LRP1B: variants seen among roughly 807,000 people sequenced by gnomAD.
LRP1B encodes the protein low-density lipoprotein receptor-related protein 1B.
In LRP1B, 217 loss-of-function variants were observed where a neutral mutation model predicts 556.6. The ratio of observed to expected loss-of-function variants is 0.39; its 90% confidence interval spans 0.35 to 0.44. The LOEUF is 0.44. Among genes scored for constraint, LRP1B ranks in the 20% least tolerant of loss-of-function variants. The pLI is 1.00. For synonymous variants in LRP1B, 2,047 were observed against 1,865.8 expected (o/e 1.10, Z -2.50); for missense variants, 5,053 against 5,620.8 (o/e 0.90, Z 3.23).
intron 3 of LRP1B, among the ~76,000 whole-genome samples, chr2:141,274,571 C>T (rs1233700676): frequency 2.0e-5 from 3 of 152,066 alleles, no homozygotes; most frequent in Non-Finnish European, 4.4e-5. Flanking sequence ...TGAGGAGTGA[C>T]TGCTAATGGA....
chr2:141,127,804 AC>A (rs1205854767), intron 7 of LRP1B, among the ~76,000 whole-genome samples: 1 of 152,094 alleles, frequency 6.6e-6, no homozygotes, highest in African/African-American at 2.4e-5. Context: ...GTCTCATTTT[AC>A]TTTTATGATC....
At chr2:141,112,677 G>A (rs1413634904) in intron 7 of LRP1B, among the ~76,000 whole-genome samples, 2 of 152,144 alleles carry the variant, frequency 1.3e-5, no homozygotes, top group Non-Finnish European at 2.9e-5. Flanking sequence ...AAAATAAAAT[G>A]TTGTGACCAG....
chr2:141,723,360 AAT>A (rs1438687144), intron 2 of LRP1B, among the ~76,000 whole-genome samples: 1 of 150,074 alleles, frequency 6.7e-6, no homozygotes, highest in East Asian at 1.9e-4. Flanking sequence ...AATATAATTT[AAT>A]ATATATTAAT....
intron 7 of LRP1B, among the ~76,000 whole-genome samples, chr2:141,091,045 T>G (rs546575535): frequency 1.9e-3 from 294 of 152,346 alleles, no homozygotes; most frequent in South Asian, 8.1e-3. Flanking sequence ...AGTAGTTAAC[T>G]AGAGTTGCTG....
intron 2 of LRP1B, among the ~76,000 whole-genome samples, chr2:141,704,335 T>C (rs1692061095): frequency 6.6e-6 from 1 of 151,986 alleles, no homozygotes; most frequent in Admixed American, 6.6e-5. Flanking sequence ...CTACTTCTCA[T>C]GTAAGGGTGG....
intron 3 of LRP1B, among the ~76,000 whole-genome samples, chr2:141,258,783 C>T (rs1296325977): frequency 6.6e-6 from 1 of 151,990 alleles, no homozygotes; most frequent in Admixed American, 6.6e-5. Context: ...CCTTCACTCT[C>T]TCTTCCTCCT....
chr2:141,421,338 C>A (rs1680132264), intron 3 of LRP1B, among the ~76,000 whole-genome samples: 1 of 151,848 alleles, frequency 6.6e-6, no homozygotes, highest in Non-Finnish European at 1.5e-5. Context: ...ACCATCCCGG[C>A]TAAAACGGTG....
chr2:140,773,293 C>T (rs569235042), intron 33 of LRP1B, among the ~76,000 whole-genome samples: 8 of 152,082 alleles, frequency 5.3e-5, no homozygotes, highest in Admixed American at 2.0e-4. Context: ...GGTGAAACCC[C>T]GTCTCTGCTA....
chr2:141,953,093 C>A (rs1327000347), intron 1 of LRP1B, among the ~76,000 whole-genome samples: 1 of 151,868 alleles, frequency 6.6e-6, no homozygotes, highest in East Asian at 1.9e-4. Context: ...GTTTTTGACT[C>A]TCTTGAGGGT....
chr2:141,912,583 G>C (rs889360815), intron 1 of LRP1B, among the ~76,000 whole-genome samples: 2 of 152,088 alleles, frequency 1.3e-5, no homozygotes, highest in Admixed American at 1.3e-4. Flanking sequence ...GGACAATGGA[G>C]AGTCGTTATT....
intron 7 of LRP1B, 58 bp from the exon 8 acceptor site, chr2:141,062,331 G>A (rs2105469218): frequency 8.9e-7 from 1 of 1,129,846 alleles, no homozygotes; most frequent in Non-Finnish European, 1.3e-6. Context: ...CACGTTTGAT[G>A]GAGCCATCTG....
chr2:140,666,019 A>C (rs1179455871), intron 41 of LRP1B, among the ~76,000 whole-genome samples: 1 of 147,216 alleles, frequency 6.8e-6, no homozygotes, highest in African/African-American at 2.5e-5. Flanking sequence ...CCTGAGACGG[A>C]GTCTCACTCT....
chr2:141,585,937 C>T (rs55942138), intron 2 of LRP1B, among the ~76,000 whole-genome samples: 15,856 of 150,890 alleles, frequency 0.11, 1,060 homozygotes, highest in Middle Eastern at 0.15. Flanking sequence ...AAGCTTGTCG[C>T]GAACTCCTGG....
At chr2:140,956,654 G>T (rs1360299059) in intron 18 of LRP1B, among the ~76,000 whole-genome samples, 1 of 151,520 alleles carries the variant, frequency 6.6e-6, no homozygotes, top group Non-Finnish European at 1.5e-5. Flanking sequence ...TGGAGAAAAC[G>T]ATATGAGAGT....
chr2:140,371,797 A>G (rs1683012951), intron 69 of LRP1B, among the ~76,000 whole-genome samples: 1 of 152,066 alleles, frequency 6.6e-6, no homozygotes, highest in Admixed American at 6.6e-5. Flanking sequence ...TTGCATTGAC[A>G]TAAATAAAGT....
rs763736554 is a variant in LRP1B at position 140,358,128 on chromosome 2, T to C, written c.11258-12A>G. On this transcript the variant is annotated splice_polypyrimidine_tract_variant and intron_variant, in intron 73 of 90. Coordinates refer to ENST00000389484, the MANE Select transcript of LRP1B (RefSeq NM_018557.3). The stretch of plus-strand genomic sequence containing the variant: ...ATATGTCAGCTTACCTATAGAGTCA[T>C]ACAAAAAATGATTAGTGCTTCACAG... The C allele has an allele frequency of 3.0e-5, 48 of 1,606,770 alleles. No homozygotes were observed. The highest frequency in any genetic ancestry group is 3.9e-5 in the Non-Finnish European group (46 of 1,175,654).
rs1309779785 is a variant in LRP1B, at chr2:141,480,500, T to C, written c.239A>G (p.Asn80Ser). ...GTTGGTACCAAGGCAAGCAATGTGA[T>C]TCAAGGGGCACTTGATTTCTACCTC... ...PEEVEIKCPL[N>S]HIACLGTNKC... The change falls in exon 3 of 91, where the codon AAT (asparagine) becomes AGT (serine). Residue 80 changes from asparagine (N) to serine (S), a missense_variant. Asn to Ser is a conservative substitution (Grantham distance 46). This residue lies in a region of LRP1B where 3,619 missense variants were observed against 3,931.9 expected (regional missense o/e 0.92). Transcript: ENST00000389484. 6.2e-7 allele frequency: 1 copy of C among 1,613,908 alleles called. No individual in the cohort carries two copies. The highest frequency in any genetic ancestry group is 8.5e-7 in the Non-Finnish European group (1 of 1,179,956).
chr2:140,387,084 CT>C (rs1275579204), intron 66 of LRP1B, among the ~76,000 whole-genome samples: 1 of 152,104 alleles, frequency 6.6e-6, no homozygotes. Flanking sequence ...AATTATAAGC[CT>C]TAATACAATA....
intron 2 of LRP1B, among the ~76,000 whole-genome samples, chr2:141,802,194 G>A (rs113526918): frequency 6.6e-6 from 1 of 152,088 alleles, no homozygotes; most frequent in Non-Finnish European, 1.5e-5. Flanking sequence ...TTGCTGCTGG[G>A]TACCGAGGAA....
Sources: allele counts gnomAD v4.1 joint callset (sites outside exome capture counted in the v4.1 genomes callset), GRCh38; gene constraint gnomAD v4.1.1; regional missense constraint gnomAD v4.1.1; transcripts MANE v1.5; gene names NCBI Gene and HGNC (gene_info 2026-07-23, HGNC 2026-07-21).